TMEM259: variants seen among roughly 807,000 people sequenced by gnomAD.
TMEM259 encodes the protein membralin.
Under a neutral mutation model 46.7 loss-of-function variants are expected in TMEM259, and 26 were observed. The ratio of observed to expected loss-of-function variants is 0.56; its 90% CI spans 0.41 to 0.77. TMEM259 has a LOEUF of 0.77. TMEM259 is among the 30% of genes least tolerant of loss of function. The probability of loss-of-function intolerance (pLI) is 0.00; values close to 1 mark genes in which losing one functional copy is unlikely to be tolerated. For missense variants in TMEM259, 930 were observed against 900.5 expected, an observed-to-expected ratio of 1.03 and a Z score of -0.42; for synonymous variants, 494 against 395.1, an observed-to-expected ratio of 1.25 and a Z score of -2.97.
intron 3 of TMEM259, among the ~76,000 whole-genome samples, chr19:1,012,857 C>T (rs1005505418): frequency 6.6e-6 from 1 of 152,178 alleles, no homozygotes; most frequent in Non-Finnish European, 1.5e-5. Flanking sequence ...TGGCGGCCCC[C>T]AGCACACCCC....
At chr19:1,017,172 G>A (rs2039137910) in intron 1 of TMEM259, 2 of 399,136 alleles carry the variant, frequency 5.0e-6, no homozygotes, top group South Asian at 1.3e-4. Context: ...CCCAAGACCT[G>A]TCTGTCATCA....
At chr19:1,018,518 C>T (rs1049234765) in intron 1 of TMEM259, among the ~76,000 whole-genome samples, 1 of 152,210 alleles carries the variant, frequency 6.6e-6, no homozygotes, top group Non-Finnish European at 1.5e-5. Flanking sequence ...TGGCTCTCTG[C>T]AGGGAGACCC....
intron 4 of TMEM259, 85 bp downstream of exon 4, chr19:1,012,378 C>T (rs748427560): frequency 2.0e-6 from 3 of 1,516,376 alleles, no homozygotes; most frequent in Non-Finnish European, 1.8e-6. Flanking sequence ...TGCACAGCCC[C>T]CCGTCCCGCA....
At position 1,009,940 on chromosome 19, in the gene TMEM259, C is replaced by T; in HGVS notation, c.*410G>A. ...ATGGAGAAGGCACTGCAGGGAGCAC[C>T]AGGCAGAGCCGGGCTGAGGCCGGCC... On this transcript the variant is annotated 3_prime_UTR_variant, in exon 11 of 11. Transcript: ENST00000356663. 3 of 326,462 alleles carry T rather than the reference C, an allele frequency of 9.2e-6. No individual in the cohort carries two copies. Among genetic ancestry groups the T allele is most frequent in the Non-Finnish European group, 1.1e-5 (2 of 179,034 alleles). The allele number at this position is 326,462 out of a possible 1,614,324, so 20.2% of individuals were successfully genotyped here.
chr19:1,012,309 C>A, intron 4 of TMEM259, 121 bp from the exon 5 acceptor site: 1 of 1,500,456 alleles, frequency 6.7e-7, no homozygotes, highest in South Asian at 1.3e-5. Flanking sequence ...CTTAGGAAAC[C>A]CATCCAGGAC....
In TMEM259 at chr19:1,017,565, A is replaced by G. The variant is rs544392850; in HGVS notation, c.226-3092T>C. 40 of 395,760 alleles carry G rather than the reference A, an allele frequency of 1.0e-4. No homozygotes were observed. The East Asian group carries it at 1.4e-3, about 14-fold the overall frequency. The allele number at this position is 395,760 out of a possible 1,614,324, so 24.5% of individuals were successfully genotyped here. On this transcript the variant is annotated intron_variant, in intron 1 of 10. Transcript: ENST00000356663. The stretch of plus-strand genomic sequence containing the variant: ...CCTTCCTTCCTCCGGGTCAGCCCAC[A>G]CACGGCTGCACCCACAGGAGCACCT...
In TMEM259 at chr19:1,011,458, T is replaced by C. The variant is rs1188778258; in HGVS notation, c.1126A>G (p.Thr376Ala). Reference sequence around the variant, plus strand: ...ACGATGAGGATGATGTAGAAGGCGGTGGTGGTGTCGTTGAAGAACTCCGAC... The same window carrying C: ...ACGATGAGGATGATGTAGAAGGCGGCGGTGGTGTCGTTGAAGAACTCCGAC... ...IMSEFFNDTT[T>A]AFYIILIVWL... is the part of the protein sequence containing the mutation. Residue 376 changes from threonine to alanine, a missense_variant, in exon 9 of 11, where the codon ACC becomes GCC. Coordinates refer to ENST00000356663, the MANE Select transcript of TMEM259 (RefSeq NM_001033026.2). The C allele has an allele frequency of 4.5e-6, 7 of 1,556,004 alleles. No homozygotes were observed. Among genetic ancestry groups the C allele is most frequent in the African/African-American group, 1.4e-5 (1 of 72,434 alleles).
chr19:1,018,464 C>T (rs1156657214), intron 1 of TMEM259, among the ~76,000 whole-genome samples: 1 of 152,172 alleles, frequency 6.6e-6, no homozygotes, highest in East Asian at 1.9e-4. Context: ...TGCACAGATG[C>T]CACAGGATGA....
In TMEM259 at chr19:1,012,456, G is replaced by A; in HGVS notation, c.718+7C>T. On this transcript the variant is annotated splice_region_variant and intron_variant, in intron 4 of 10. Transcript: ENST00000356663. ...GGAGCTCCCCAAGCCCAGCAGCTCA[G>A]ACTCACCCAGGGTGACCACCATGAC... The A allele has an allele frequency of 6.3e-7, 1 of 1,590,924 alleles. No homozygotes were observed. Among genetic ancestry groups the A allele is most frequent in the Non-Finnish European group, 8.5e-7 (1 of 1,170,946 alleles).
In TMEM259 at chr19:1,018,235, G is replaced by A. The variant is rs904522347; in HGVS notation, c.225+2537C>T. On this transcript the variant is annotated intron_variant, in intron 1 of 10. Transcript: ENST00000356663. ...GCAGAGGTGGATACTGAGGCTGGAT[G>A]GAGGTCTCCCGAGGGCCCCTGGAAC... Among the ~76,000 whole-genome samples, 8 of 152,266 alleles carry A rather than the reference G, an allele frequency of 5.3e-5. No homozygotes were observed. The South Asian group carries it at 8.3e-4, about 16-fold the overall frequency.
intron 1 of TMEM259, among the ~76,000 whole-genome samples, chr19:1,015,966 C>T (rs1401639271): frequency 1.3e-5 from 2 of 152,226 alleles, no homozygotes; most frequent in African/African-American, 4.8e-5. Flanking sequence ...ACGGATAAAG[C>T]CCTGGGTCTA....
In TMEM259 at chr19:1,010,117, C is replaced by T. The variant is rs1050558990; in HGVS notation, c.*233G>A. The T allele has an allele frequency of 5.9e-6, 3 of 506,326 alleles. No individual in the cohort carries two copies. Among genetic ancestry groups the T allele is most frequent in the Non-Finnish European group, 1.0e-5 (3 of 291,748 alleles). 31.4% of individuals were successfully genotyped at this position (506,326 alleles called of 1,614,324 possible). A position where few individuals can be genotyped will look rare whatever the true frequency, so the allele number is the denominator to read the frequency against. On this transcript the variant is annotated 3_prime_UTR_variant, in exon 11 of 11. Coordinates refer to ENST00000356663, the MANE Select transcript of TMEM259 (RefSeq NM_001033026.2). ...TCCAGAACCTTCCGCGGAACCCCAC[C>T]CCCTCTCCTTGCTGACCAGCTCAAA...
In TMEM259 at chr19:1,020,758, G is replaced by A; in HGVS notation, c.225+14C>T. The A allele has an allele frequency of 1.5e-6, 2 of 1,310,686 alleles. No homozygotes were observed. The highest frequency in any genetic ancestry group is 2.0e-6 in the Non-Finnish European group (2 of 1,022,432). 81.2% of individuals were successfully genotyped at this position (1,310,686 alleles called of 1,614,324 possible). ...CCGCTGGGGTCAAGGGTCGGGGGTC[G>A]GGGCCGCGGTCACCTTGAGCAGCAC... On this transcript the variant is annotated intron_variant, in intron 1 of 10. Transcript: ENST00000356663. This position sits in a 1 kb window ranked among gnomAD's most constrained non-coding sequence, Gnocchi z 4.0.
intron 4 of TMEM259, 31 bp downstream of exon 4, chr19:1,012,432 G>A: frequency 1.3e-6 from 2 of 1,556,810 alleles, no homozygotes; most frequent in Non-Finnish European, 1.7e-6. Context: ...CCCCGCCATG[G>A]AGCTCCCCAA....
chr19:1,021,020 G>C lies in TMEM259; in HGVS notation c.-24C>G, dbSNP rs777331833. On this transcript the variant is annotated 5_prime_UTR_variant, in exon 1 of 11. Transcript: ENST00000356663. ...ATGCCTCCCAGCGTCGCGCCCTAACGACCCGCAAGTGTCCGAGGGCGCCTC... is the reference window on the plus strand; with the variant it reads ...ATGCCTCCCAGCGTCGCGCCCTAACCACCCGCAAGTGTCCGAGGGCGCCTC... 2.2e-6 allele frequency: 3 copies of C among 1,351,844 alleles called. No individual in the cohort carries two copies. The highest frequency in any genetic ancestry group is 2.9e-6 in the Non-Finnish European group (3 of 1,040,350). The allele number at this position is 1,351,844 out of a possible 1,614,324, so 83.7% of individuals were successfully genotyped here. A position where few individuals can be genotyped will look rare whatever the true frequency, so the allele number is the denominator to read the frequency against.
In TMEM259 at chr19:1,014,100, C is replaced by T. The variant is rs1599480784; in HGVS notation, c.507+92G>A. The T allele has an allele frequency of 2.7e-6, 4 of 1,474,680 alleles. No individual in the cohort carries two copies. The Admixed American group carries it at 7.7e-5, about 28-fold the overall frequency. 91.3% of individuals were successfully genotyped at this position (1,474,680 alleles called of 1,614,324 possible). A position where few individuals can be genotyped will look rare whatever the true frequency, so the allele number is the denominator to read the frequency against. On this transcript the variant is annotated intron_variant, in intron 2 of 10. Coordinates refer to ENST00000356663, the MANE Select transcript of TMEM259 (RefSeq NM_001033026.2). ...CCAGGTCCCTGAAAGTCAAGAACCC[C>T]AACATCCTGTCGATGTCAGGAACCG...
chr19:1,013,506 C>G, intron 2 of TMEM259, 166 bp from the exon 3 acceptor site: 1 of 614,512 alleles, frequency 1.6e-6, no homozygotes, highest in Non-Finnish European at 2.9e-6. Context: ...CAGCTGGGAC[C>G]CCACCTCAAC....
chr19:1,011,270 C>T (rs1053347612), intron 9 of TMEM259, 75 bp from the exon 10 acceptor site: 70 of 1,538,664 alleles, frequency 4.5e-5, no homozygotes, highest in Non-Finnish European at 5.6e-5. Context: ...TCCCGCGTGG[C>T]GCAGCCACCA....
At chr19:1,019,889 GC>G (rs1177865570) in intron 1 of TMEM259, among the ~76,000 whole-genome samples, 1 of 152,216 alleles carries the variant, frequency 6.6e-6, no homozygotes, top group East Asian at 1.9e-4. Context: ...AGGGGCTGCA[GC>G]TGCTACTGAG....
Sources: gnomAD v4.1 joint callset for allele counts (sites outside exome capture counted in the v4.1 genomes callset) on GRCh38, gnomAD v4.1.1 for gene constraint, Gnocchi (gnomAD v3.1) non-coding constraint, MANE v1.5 for transcripts, NCBI Gene and HGNC (gene_info 2026-07-23, HGNC 2026-07-21) for gene names.